VPS8: variants seen among roughly 807,000 people sequenced by gnomAD.
VPS8 encodes vacuolar protein sorting-associated protein 8 homolog.
Under a neutral mutation model 216.4 loss-of-function variants are expected in VPS8, and 129 were observed. The observed-to-expected ratio is 0.60, with a 90% CI of 0.52 to 0.69. The LOEUF (loss-of-function observed/expected upper bound fraction) is 0.69, where lower values mean the gene tolerates loss of function less well. VPS8 is among the 30% of genes least tolerant of loss of function. The pLI is 0.00. For synonymous variants in VPS8, 571 were observed against 565.4 expected (o/e 1.01, Z -0.14); for missense variants, 1,531 against 1,683.5 (o/e 0.91, Z 1.59).
At chr3:184,911,935 T>A (rs1455292227) in intron 25 of VPS8, among the ~76,000 whole-genome samples, 2 of 152,254 alleles carry the variant, frequency 1.3e-5, no homozygotes, top group African/African-American at 4.8e-5. Flanking sequence ...GCCTTCAGTT[T>A]GTGTCCGGCG....
intron 36 of VPS8, among the ~76,000 whole-genome samples, chr3:184,952,080 T>C (rs931378835): frequency 3.9e-5 from 6 of 152,224 alleles, no homozygotes; most frequent in African/African-American, 1.4e-4. Context: ...ATAAGACATA[T>C]TAACAGAAGT....
intron 22 of VPS8, among the ~76,000 whole-genome samples, chr3:184,887,492 A>C (rs1236740281): frequency 6.6e-6 from 1 of 150,514 alleles, no homozygotes; most frequent in Non-Finnish European, 1.5e-5. Context: ...GTAGCAATTT[A>C]TTTTTATAAC....
intron 24 of VPS8, 78 bp downstream of exon 24, chr3:184,898,732 T>G: frequency 9.2e-7 from 1 of 1,088,440 alleles, no homozygotes. Context: ...TTGCTTTTAA[T>G]AGTTTCTAGT....
chr3:184,971,591 GCT>G (rs1748415137), intron 39 of VPS8, 56 bp from the exon 40 acceptor site: 15 of 1,356,384 alleles, frequency 1.1e-5, no homozygotes, highest in African/African-American at 1.5e-5. Context: ...TTTCACAGAG[GCT>G]CTGAGATTAT....
At chr3:184,965,176 G>A (rs533605531) in intron 38 of VPS8, among the ~76,000 whole-genome samples, 11 of 152,152 alleles carry the variant, frequency 7.2e-5, no homozygotes, top group South Asian at 6.2e-4. Context: ...TAATATTGTC[G>A]TGTGGCTAGG....
chr3:184,912,851 C>T (rs1009419255), intron 25 of VPS8, among the ~76,000 whole-genome samples: 13 of 152,202 alleles, frequency 8.5e-5, no homozygotes, highest in African/African-American at 2.9e-4. Context: ...TTATTGCCAA[C>T]CACAGATTCC....
At chr3:184,911,319 T>C (rs528467457) in intron 25 of VPS8, among the ~76,000 whole-genome samples, 1 of 152,202 alleles carries the variant, frequency 6.6e-6, no homozygotes, top group Non-Finnish European at 1.5e-5. Context: ...GTTAAACAAA[T>C]ACGTTTAGCT....
intron 36 of VPS8, among the ~76,000 whole-genome samples, chr3:184,952,650 C>T (rs1744914513): frequency 6.6e-6 from 1 of 152,178 alleles, no homozygotes; most frequent in Non-Finnish European, 1.5e-5. Flanking sequence ...GAAATAAGCA[C>T]ATGCACAATC....
intron 25 of VPS8, 116 bp downstream of exon 25, chr3:184,901,088 C>T (rs1734400067): frequency 8.3e-6 from 7 of 847,272 alleles, no homozygotes; most frequent in African/African-American, 5.2e-5. Flanking sequence ...CATGTACAGT[C>T]ATGTAACACC....
At chr3:185,037,344 T>G (rs753537350) in intron 46 of VPS8, among the ~76,000 whole-genome samples, 16 of 152,162 alleles carry the variant, frequency 1.1e-4, no homozygotes, top group Non-Finnish European at 2.4e-4. Flanking sequence ...AAATTACTAG[T>G]CATTTTTCTC....
intron 25 of VPS8, among the ~76,000 whole-genome samples, chr3:184,902,157 T>A (rs556079657): frequency 2.8e-5 from 4 of 143,506 alleles, no homozygotes; most frequent in African/African-American, 1.0e-4. Flanking sequence ...TGACCTGGGG[T>A]TGTCTTCATA....
At chr3:184,887,419 TC>T (rs1731486797) in intron 22 of VPS8, among the ~76,000 whole-genome samples, 1 of 152,124 alleles carries the variant, frequency 6.6e-6, no homozygotes. Context: ...CTTTTTTTTT[TC>T]CACACTAATA....
intron 5 of VPS8, chr3:184,834,991 G>C (rs1720752812): frequency 3.0e-6 from 1 of 331,154 alleles, no homozygotes; most frequent in African/African-American, 2.1e-5. Flanking sequence ...AAATATGGCA[G>C]CAAGCCTAAA....
intron 39 of VPS8, among the ~76,000 whole-genome samples, chr3:184,969,164 C>T (rs1485852515): frequency 6.6e-6 from 1 of 152,128 alleles, no homozygotes; most frequent in Non-Finnish European, 1.5e-5. Flanking sequence ...GTTGCCCAGG[C>T]TGGAGTGCAG....
intron 4 of VPS8, 42 bp downstream of exon 4, chr3:184,832,861 T>G: frequency 1.3e-6 from 2 of 1,574,188 alleles, no homozygotes; most frequent in Non-Finnish European, 8.6e-7. Context: ...AGTTGAAGTA[T>G]TCAATTGTTT....
At chr3:185,029,566 T>A (rs1195246215) in intron 46 of VPS8, among the ~76,000 whole-genome samples, 1 of 151,660 alleles carries the variant, frequency 6.6e-6, no homozygotes, top group Non-Finnish European at 1.5e-5. Flanking sequence ...ACAACATGTA[T>A]CTTTTTTTTT....
At chr3:184,868,311 C>T (rs1349819791) in intron 18 of VPS8, 3 of 430,134 alleles carry the variant, frequency 7.0e-6, no homozygotes, top group Non-Finnish European at 4.2e-6. Flanking sequence ...TGTAAAAGCA[C>T]CTGGAGCTAG....
chr3:185,037,040 A>T (rs1759007246), intron 46 of VPS8, among the ~76,000 whole-genome samples: 1 of 150,658 alleles, frequency 6.6e-6, no homozygotes, highest in Non-Finnish European at 1.5e-5. Flanking sequence ...GTATTTTATA[A>T]TTTCTTACTT....
intron 45 of VPS8, among the ~76,000 whole-genome samples, chr3:185,004,910 A>T (rs1161205491): frequency 1.3e-5 from 2 of 149,896 alleles, no homozygotes; most frequent in African/African-American, 2.5e-5. Flanking sequence ...TTTGTTTTTT[A>T]TTTATTTATT....
Sources: gnomAD v4.1 joint callset for allele counts (sites outside exome capture counted in the v4.1 genomes callset) on GRCh38, gnomAD v4.1.1 for gene constraint, MANE v1.5 for transcripts, NCBI Gene and HGNC (gene_info 2026-07-23, HGNC 2026-07-21) for gene names.